TRAF5: variants seen among roughly 807,000 people sequenced by gnomAD.
TRAF5 encodes the protein TNF receptor associated factor 5.
A neutral mutation model predicts 64.5 loss-of-function variants in TRAF5; 48 were observed. The ratio of observed to expected loss-of-function variants is 0.74; its 90% CI spans 0.59 to 0.95. TRAF5 has a LOEUF of 0.95. TRAF5 is among the 40% of genes least tolerant of loss of function. TRAF5 has a pLI of 0.00. For synonymous variants in TRAF5, 206 were observed against 240.5 expected (o/e 0.86, Z 1.33); for missense variants, 545 against 662.8 (o/e 0.82, Z 1.95).
At chr1:211,367,334 T>C (rs1703387233) in intron 8 of TRAF5, among the ~76,000 whole-genome samples, 1 of 152,256 alleles carries the variant, frequency 6.6e-6, no homozygotes, top group African/African-American at 2.4e-5. Context: ...ATGCTTGGGT[T>C]TGCAGCCAGG....
At chr1:211,370,778 A>G (rs1200061791) in intron 9 of TRAF5, among the ~76,000 whole-genome samples, 3 of 152,228 alleles carry the variant, frequency 2.0e-5, no homozygotes, top group Admixed American at 6.5e-5. Context: ...TTGTACACAC[A>G]TAGGAAAAGG....
At chr1:211,361,988 C>T (rs1215788588) in intron 7 of TRAF5, among the ~76,000 whole-genome samples, 1 of 151,964 alleles carries the variant, frequency 6.6e-6, no homozygotes, top group African/African-American at 2.4e-5. Flanking sequence ...CGTGCCTGGC[C>T]CACAGTAATT....
intron 4 of TRAF5, chr1:211,358,874 C>T (rs1293934755): frequency 1.4e-5 from 2 of 147,786 alleles, no homozygotes; most frequent in Non-Finnish European, 1.5e-5. Context: ...ACATTATTGA[C>T]ATGTAAATAA....
chr1:211,350,593 T>G (rs1298895325), intron 1 of TRAF5, among the ~76,000 whole-genome samples: 4 of 152,128 alleles, frequency 2.6e-5, no homozygotes, highest in African/African-American at 7.2e-5. Flanking sequence ...ATTTTGAAAG[T>G]CTCATCCTGG....
chr1:211,334,158 T>A (rs1396312724), intron 1 of TRAF5, among the ~76,000 whole-genome samples: 4 of 152,182 alleles, frequency 2.6e-5, no homozygotes, highest in African/African-American at 9.7e-5. Flanking sequence ...TGGAAAAGAC[T>A]CTGCAAAGGA....
chr1:211,353,578 G>A lies in TRAF5; in HGVS notation c.218+121G>A, dbSNP rs76719434. On this transcript the variant is annotated intron_variant, in intron 2 of 10. Transcript: ENST00000261464. ...TTTACTTGGCCACAGAACCATGACTGTAAGGAAGGACTCTCCCAGATCCCC... is the reference window on the plus strand; with the variant it reads ...TTTACTTGGCCACAGAACCATGACTATAAGGAAGGACTCTCCCAGATCCCC... 4,756 of 966,170 alleles carry A rather than the reference G, an allele frequency of 4.9e-3. 158 individuals carry two copies. The African/African-American group carries it at 0.07, about 14-fold the overall frequency. 59.8% of individuals were successfully genotyped at this position (966,170 alleles called of 1,614,324 possible). A position where few individuals can be genotyped will look rare whatever the true frequency, so the allele number is the denominator to read the frequency against.
chr1:211,363,041 T>C (rs936599207), intron 7 of TRAF5, among the ~76,000 whole-genome samples: 5 of 152,144 alleles, frequency 3.3e-5, no homozygotes, highest in Non-Finnish European at 5.9e-5. Flanking sequence ...CCTAAATAAA[T>C]ATACATTATA....
At chr1:211,341,157 AG>A (rs1199662572) in intron 1 of TRAF5, among the ~76,000 whole-genome samples, 6 of 152,306 alleles carry the variant, frequency 3.9e-5, no homozygotes, top group African/African-American at 1.4e-4. Flanking sequence ...TCCAATGAGG[AG>A]AAGCCTTTCC....
At position 211,331,104 on chromosome 1, in the gene TRAF5, C is replaced by G. The variant is rs535099161; in HGVS notation, c.-2+4215C>G. Among the ~76,000 whole-genome samples the G allele has an allele frequency of 2.6e-5, 4 of 152,324 alleles. No homozygotes were observed. The South Asian group carries it at 6.2e-4, about 24-fold the overall frequency. On this transcript the variant is annotated intron_variant, in intron 1 of 10. Coordinates refer to ENST00000261464, the MANE Select transcript of TRAF5 (RefSeq NM_001033910.3). The stretch of plus-strand genomic sequence containing the variant: ...GCTGCTGTTCCTCAGTCACCTTTAT[C>G]CTGTCCCCCTCAGCCAGTCCTGATC...
Position 211,373,651 on chromosome 1 carries a change from T to C in TRAF5, c.*949T>C, listed in dbSNP as rs1030897807. 2 of 152,192 alleles carry C rather than the reference T, an allele frequency of 1.3e-5. No homozygotes were observed. The highest frequency in any genetic ancestry group is 4.8e-5 in the African/African-American group (2 of 41,444). 9.4% of individuals were successfully genotyped at this position (152,192 alleles called of 1,614,324 possible). A position where few individuals can be genotyped will look rare whatever the true frequency, so the allele number is the denominator to read the frequency against. Reference sequence around the variant, plus strand: ...TAAATGGATAAAAGGAATTTACAACTTGAGGAGAAAACCTTTACAATTTCC... The same window carrying C: ...TAAATGGATAAAAGGAATTTACAACCTGAGGAGAAAACCTTTACAATTTCC... On this transcript the variant is annotated 3_prime_UTR_variant, in exon 11 of 11. Coordinates refer to ENST00000261464, the MANE Select transcript of TRAF5 (RefSeq NM_001033910.3).
Position 211,360,008 on chromosome 1 carries a change from G to T in TRAF5, c.475G>T (p.Ala159Ser). 1 of 1,614,124 alleles carries T rather than the reference G, an allele frequency of 6.2e-7. No homozygotes were observed. Residue 159 changes from alanine to serine, a missense_variant, in exon 5 of 11, where the codon GCA becomes TCA. Ala to Ser is a moderately conservative substitution (Grantham distance 99). Transcript: ENST00000261464. ...GAAAGACCTGAAAGAGCATTTGAGTGCATCCTGTCAGTTTCGAAAGGAAAA... is the reference window on the plus strand; with the variant it reads ...GAAAGACCTGAAAGAGCATTTGAGTTCATCCTGTCAGTTTCGAAAGGAAAA... ...LRKDLKEHLSASCQFRKEKCL... is the reference protein window; with the variant it reads ...LRKDLKEHLSSSCQFRKEKCL...
intron 1 of TRAF5, among the ~76,000 whole-genome samples, chr1:211,352,462 G>GTT (rs1320966777): frequency 2.5e-4 from 27 of 110,028 alleles, no homozygotes; most frequent in African/African-American, 6.6e-4. Flanking sequence ...AAAAAAAAAA[G>GTT]TTTTTTTTTT....
chr1:211,360,987 C>G, intron 6 of TRAF5, 101 bp from the exon 7 acceptor site: 3 of 1,243,362 alleles, frequency 2.4e-6, no homozygotes, highest in Non-Finnish European at 3.5e-6. Context: ...CTCTCCTTCT[C>G]CTGGTCCTTG....
chr1:211,328,634 A>G (rs139237832), intron 1 of TRAF5, among the ~76,000 whole-genome samples: 35 of 152,312 alleles, frequency 2.3e-4, no homozygotes, highest in African/African-American at 7.9e-4. Flanking sequence ...TGATTTGCAC[A>G]GTCGGGGAGC....
At chr1:211,360,297 T>TACACA in intron 5 of TRAF5, 1 of 552,538 alleles carries the variant, frequency 1.8e-6, no homozygotes, top group Non-Finnish European at 3.2e-6. Context: ...TTTGAACACA[T>TACACA]GCTGTGTATG....
At chr1:211,360,618 T>C (rs1703143930) in intron 5 of TRAF5, 84 bp from the exon 6 acceptor site, 2 of 1,103,818 alleles carry the variant, frequency 1.8e-6, no homozygotes, top group South Asian at 1.3e-5. Context: ...CCACGTGACA[T>C]ATAATCCCCA....
At chr1:211,365,557 G>A in intron 8 of TRAF5, 89 bp downstream of exon 8, 1 of 1,057,708 alleles carries the variant, frequency 9.5e-7, no homozygotes, top group Non-Finnish European at 1.4e-6. Flanking sequence ...ATTCTCCCCT[G>A]TTTCAGTATA....
At chr1:211,342,789 T>G (rs1702483854) in intron 1 of TRAF5, among the ~76,000 whole-genome samples, 1 of 152,338 alleles carries the variant, frequency 6.6e-6, no homozygotes, top group South Asian at 2.1e-4. Context: ...TCACTTAACA[T>G]AATGTCCTCT....
intron 1 of TRAF5, among the ~76,000 whole-genome samples, chr1:211,337,103 C>T (rs1325031361): frequency 2.0e-5 from 3 of 152,240 alleles, no homozygotes; most frequent in African/African-American, 7.2e-5. Flanking sequence ...AGCTTATATT[C>T]TATTCTGATA....
Sources: allele counts gnomAD v4.1 joint callset (sites outside exome capture counted in the v4.1 genomes callset), GRCh38; gene constraint gnomAD v4.1.1; transcripts MANE v1.5; gene names NCBI Gene and HGNC (gene_info 2026-07-23, HGNC 2026-07-21).